The following KCNH1 variants were observed in gnomAD, a reference collection of about 807,000 sequenced individuals.
KCNH1 encodes potassium voltage-gated channel subfamily H member 1.
A neutral mutation model predicts 69.2 loss-of-function variants in KCNH1; 27 were observed. That is an observed-to-expected ratio of 0.39 (90% confidence interval 0.29 to 0.54). The LOEUF (loss-of-function observed/expected upper bound fraction) is 0.54. KCNH1 is among the 20% of genes least tolerant of loss of function. The probability of loss-of-function intolerance (pLI) is 0.68; values close to 1 mark genes in which losing one functional copy is unlikely to be tolerated. For synonymous variants in KCNH1, 456 were observed against 487.7 expected (o/e 0.93, Z 0.86); for missense variants, 798 against 1,261.6 (o/e 0.63, Z 5.57).
chr1:211,126,258 C>T (rs1257241092), intron 1 of KCNH1, among the ~76,000 whole-genome samples: 2 of 152,118 alleles, frequency 1.3e-5, no homozygotes, highest in African/African-American at 4.8e-5. Context: ...GCCTGTAATC[C>T]CAGCACTTTG....
intron 5 of KCNH1, among the ~76,000 whole-genome samples, chr1:211,045,726 T>C (rs1280906707): frequency 6.6e-6 from 1 of 152,204 alleles, no homozygotes; most frequent in Non-Finnish European, 1.5e-5. Context: ...TCTTAGCAAA[T>C]TTTTAAGTAT....
At chr1:211,035,279 C>T (rs1473863240) in intron 5 of KCNH1, among the ~76,000 whole-genome samples, 1 of 113,204 alleles carries the variant, frequency 8.8e-6, no homozygotes, top group Non-Finnish European at 1.7e-5. Context: ...GACGGAGTCT[C>T]GCTCTGTCGC....
rs75343639 is a variant in KCNH1 at position 210,945,312 on chromosome 1, C to T, written c.1033-25243G>A. Among the ~76,000 whole-genome samples the T allele has an allele frequency of 9.8e-5, 15 of 152,288 alleles. No homozygotes were observed. The East Asian group carries it at 2.7e-3, about 27-fold the overall frequency. On this transcript the variant is annotated intron_variant, in intron 6 of 10. Coordinates refer to ENST00000271751, the MANE Select transcript of KCNH1 (RefSeq NM_172362.3). ...ACTCTTACACAATGTATACTATGTGCCAGGCACTGTATGTTATAAACATGA... is the reference window on the plus strand; with the variant it reads ...ACTCTTACACAATGTATACTATGTGTCAGGCACTGTATGTTATAAACATGA...
intron 9 of KCNH1, among the ~76,000 whole-genome samples, chr1:210,780,823 A>G (rs574393936): frequency 3.3e-5 from 5 of 152,174 alleles, no homozygotes; most frequent in African/African-American, 9.6e-5. Flanking sequence ...CGAGGCGGGC[A>G]GATCACGAGG....
intron 10 of KCNH1, among the ~76,000 whole-genome samples, chr1:210,719,557 C>G (rs1682399843): frequency 6.6e-6 from 1 of 151,894 alleles, no homozygotes; most frequent in Non-Finnish European, 1.5e-5. Context: ...GAGTGGATAG[C>G]AAGGGGAGGG....
chr1:210,787,702 T>C (rs536536348), intron 9 of KCNH1, among the ~76,000 whole-genome samples: 37 of 152,194 alleles, frequency 2.4e-4, no homozygotes, highest in Admixed American at 6.5e-4. Flanking sequence ...AAGAAGGAAT[T>C]TGCTGACCTG....
intron 6 of KCNH1, among the ~76,000 whole-genome samples, chr1:210,927,765 G>A (rs954779452): frequency 1.3e-4 from 20 of 152,034 alleles, no homozygotes; most frequent in Non-Finnish European, 2.9e-4. Flanking sequence ...TATATAGAAT[G>A]GCAGAATGGA....
chr1:211,105,114 A>C (rs1468318328), intron 2 of KCNH1, among the ~76,000 whole-genome samples: 28 of 152,042 alleles, frequency 1.8e-4, no homozygotes, highest in Admixed American at 1.8e-3. Context: ...GTCCTTACGC[A>C]CTCATGTAGT....
chr1:211,071,329 C>T (rs900020813), intron 5 of KCNH1, among the ~76,000 whole-genome samples: 21 of 151,834 alleles, frequency 1.4e-4, no homozygotes, highest in African/African-American at 1.9e-4. Context: ...CTACTAAACA[C>T]GATAAAAAAA....
At chr1:211,096,142 C>CA (rs2102477686) in intron 3 of KCNH1, among the ~76,000 whole-genome samples, 1 of 152,210 alleles carries the variant, frequency 6.6e-6, no homozygotes, top group Non-Finnish European at 1.5e-5. Context: ...CAGCTCACTG[C>CA]AACTTCCACC....
At chr1:211,066,598 AT>A (rs1343151624) in intron 5 of KCNH1, among the ~76,000 whole-genome samples, 3 of 152,314 alleles carry the variant, frequency 2.0e-5, no homozygotes, top group African/African-American at 7.2e-5. Context: ...CTCAACCTGT[AT>A]ATGCCATAGG....
intron 8 of KCNH1, 58 bp from the exon 9 acceptor site, chr1:210,797,818 T>A (rs1684348832): frequency 1.3e-6 from 2 of 1,569,086 alleles, no homozygotes; most frequent in South Asian, 2.4e-5. Context: ...TCAGCCCACA[T>A]CCTTCAGCAC....
At chr1:210,763,553 T>C (rs994040781) in intron 10 of KCNH1, among the ~76,000 whole-genome samples, 1 of 152,094 alleles carries the variant, frequency 6.6e-6, no homozygotes, top group Non-Finnish European at 1.5e-5. Context: ...ATCAGTAGCA[T>C]TTCTATACAC....
At chr1:210,835,148 C>A (rs779942574) in intron 7 of KCNH1, among the ~76,000 whole-genome samples, 1 of 152,112 alleles carries the variant, frequency 6.6e-6, no homozygotes, top group Non-Finnish European at 1.5e-5. Flanking sequence ...TATGCAAATC[C>A]TTTCTGTGTA....
At chr1:210,684,943 C>T (rs1243264899) in intron 10 of KCNH1, among the ~76,000 whole-genome samples, 1 of 152,200 alleles carries the variant, frequency 6.6e-6, no homozygotes, top group Non-Finnish European at 1.5e-5. Context: ...AACCACAGCT[C>T]AGGGTGGCTA....
At chr1:210,947,467 C>T (rs949676236) in intron 6 of KCNH1, among the ~76,000 whole-genome samples, 6 of 151,112 alleles carry the variant, frequency 4.0e-5, no homozygotes, top group Admixed American at 6.6e-5. Flanking sequence ...CCCAGCTACT[C>T]GGGAGGCTGA....
chr1:210,965,667 A>G (rs1311821526), intron 6 of KCNH1, among the ~76,000 whole-genome samples: 2 of 152,154 alleles, frequency 1.3e-5, no homozygotes, highest in East Asian at 1.9e-4. Flanking sequence ...TAGCAATACA[A>G]CTTACAAGGG....
chr1:210,843,749 T>G (rs905838571), intron 7 of KCNH1, among the ~76,000 whole-genome samples: 3 of 152,210 alleles, frequency 2.0e-5, no homozygotes, highest in African/African-American at 7.2e-5. Flanking sequence ...GTTTGTTATT[T>G]GTAATAACAT....
At chr1:210,873,906 C>G (rs1323743325) in intron 7 of KCNH1, among the ~76,000 whole-genome samples, 1 of 152,076 alleles carries the variant, frequency 6.6e-6, no homozygotes, top group African/African-American at 2.4e-5. Context: ...AATTGAGAGG[C>G]TCTAATTCAG....
Sources: allele counts gnomAD v4.1 joint callset (sites outside exome capture counted in the v4.1 genomes callset), GRCh38; gene constraint gnomAD v4.1.1; transcripts MANE v1.5; gene names NCBI Gene and HGNC (gene_info 2026-07-23, HGNC 2026-07-21).